ITSN2: variants seen among roughly 807,000 people sequenced by gnomAD.
ITSN2 encodes the protein intersectin 2.
ITSN2 carries 156 observed loss-of-function variants against 243.7 expected under a neutral mutation model. The ratio of observed to expected loss-of-function variants is 0.64; its 90% CI spans 0.56 to 0.73. ITSN2 has a LOEUF of 0.73. Among genes scored for constraint, ITSN2 ranks in the 30% least tolerant of loss-of-function variants. ITSN2 has a pLI of 0.00. For missense variants in ITSN2, 1,801 were observed against 1,996.1 expected (o/e 0.90, Z 1.86); for synonymous variants, 703 against 699.9 (o/e 1.00, Z -0.07).
At chr2:24,247,012 G>A in intron 27 of ITSN2, 119 bp from the exon 28 acceptor site, 2 of 688,198 alleles carry the variant, frequency 2.9e-6, no homozygotes, top group Non-Finnish European at 2.4e-6. Flanking sequence ...TTTGCCTAAA[G>A]AGAGGTCTGG....
intron 31 of ITSN2, among the ~76,000 whole-genome samples, chr2:24,217,048 C>A (rs11125502): frequency 6.1e-5 from 9 of 148,274 alleles, no homozygotes; most frequent in Non-Finnish European, 1.2e-4. Context: ...CGCGCCACTG[C>A]ACTCTAGCCT....
At position 24,313,657 on chromosome 2, in the gene ITSN2, GAA is replaced by G; in HGVS notation, c.125-136_125-135del. ...CAATCATTAAAGAATAAGTGAAATAGAAACACATAAAAATTATTTACATAACT... is the reference window on the plus strand; with the variant it reads ...CAATCATTAAAGAATAAGTGAAATAGACACATAAAAATTATTTACATAACT... On this transcript the variant is annotated intron_variant, in intron 3 of 39. Coordinates refer to ENST00000355123, the MANE Select transcript of ITSN2 (RefSeq NM_006277.3). 4 of 559,818 alleles carry G rather than the reference GAA, an allele frequency of 7.1e-6. No individual in the cohort carries two copies. In the South Asian group the frequency reaches 1.2e-4, roughly 17 times the overall value. 34.7% of individuals were successfully genotyped at this position (559,818 alleles called of 1,614,324 possible). A position where few individuals can be genotyped will look rare whatever the true frequency, so the allele number is the denominator to read the frequency against.
chr2:24,205,102 G>A, intron 38 of ITSN2, 112 bp downstream of exon 38: 7 of 804,222 alleles, frequency 8.7e-6, no homozygotes, highest in East Asian at 2.7e-5. Context: ...AGCCAAGATC[G>A]TGCCACTGCA....
At chr2:24,208,361 T>A (rs758675018) in intron 36 of ITSN2, 42 bp from the exon 37 acceptor site, 2 of 1,489,714 alleles carry the variant, frequency 1.3e-6, no homozygotes, top group Non-Finnish European at 1.9e-6. Flanking sequence ...CATCCCACCC[T>A]CACAGGTCAG....
intron 1 of ITSN2, among the ~76,000 whole-genome samples, chr2:24,355,905 T>A (rs9751331): frequency 0.97 from 148,018 of 152,136 alleles, 72,015 homozygotes; most frequent in East Asian, 0.99. Context: ...TCTCTATTTT[T>A]AAAAAATTAC....
chr2:24,237,416 G>A (rs1157041312), intron 29 of ITSN2, among the ~76,000 whole-genome samples: 3 of 6,556 alleles, frequency 4.6e-4, no homozygotes, highest in Non-Finnish European at 7.8e-4. Context: ...CTTAACTGCT[G>A]ATCTTCTAGG....
intron 1 of ITSN2, among the ~76,000 whole-genome samples, chr2:24,342,828 T>C (rs186436852): frequency 2.3e-4 from 35 of 152,136 alleles, no homozygotes; most frequent in African/African-American, 7.7e-4. Context: ...CAGTGGCTCA[T>C]GCCTGTAATC....
Position 24,254,375 on chromosome 2 carries a change from A to G in ITSN2, c.2945T>C (p.Val982Ala), listed in dbSNP as rs1424974850. The change falls in exon 24 of 40, where the codon GTT (valine) becomes GCT (alanine). Residue 982 changes from valine (V) to alanine (A), a missense_variant. Physicochemically the swap from Val to Ala is moderately conservative, Grantham distance 64 (BLOSUM62 0). This residue lies in a region of ITSN2 where 928 missense variants were observed against 1,065.4 expected (regional missense o/e 0.87). Transcript: ENST00000355123. Reference protein sequence around the residue: ...NKKPTSAAYSVGEEYIALYPY... With the variant: ...NKKPTSAAYSAGEEYIALYPY... Reference sequence around the variant, plus strand: ...AATTGCCAAAAGCTTACCTTCTCCAACTGAATAGGCTGCCGAGGTAGGTTT... The same window carrying G: ...AATTGCCAAAAGCTTACCTTCTCCAGCTGAATAGGCTGCCGAGGTAGGTTT... The G allele has an allele frequency of 6.2e-7, 1 of 1,611,874 alleles. No individual in the cohort carries two copies. Among genetic ancestry groups the G allele is most frequent in the East Asian group, 2.2e-5 (1 of 44,808 alleles).
At chr2:24,273,017 G>A (rs1677562219) in intron 18 of ITSN2, among the ~76,000 whole-genome samples, 1 of 152,224 alleles carries the variant, frequency 6.6e-6, no homozygotes, top group African/African-American at 2.4e-5. Flanking sequence ...TATCAGGGCA[G>A]TGAAGATTAC....
intron 32 of ITSN2, among the ~76,000 whole-genome samples, chr2:24,215,449 C>T (rs1573879719): frequency 6.6e-6 from 1 of 152,042 alleles, no homozygotes; most frequent in Non-Finnish European, 1.5e-5. Context: ...GGCCGATCAC[C>T]TGAGGTCAGG....
At chr2:24,332,019 A>G (rs542680598) in intron 1 of ITSN2, among the ~76,000 whole-genome samples, 3 of 152,254 alleles carry the variant, frequency 2.0e-5, no homozygotes, top group African/African-American at 7.2e-5. Flanking sequence ...CAAGGCAGGC[A>G]GATCACCTGA....
chr2:24,206,250 G>A, intron 37 of ITSN2: 1 of 430,696 alleles, frequency 2.3e-6, no homozygotes, highest in Non-Finnish European at 4.7e-6. Context: ...ATACCTTTTA[G>A]GAGTATATAA....
intron 17 of ITSN2, among the ~76,000 whole-genome samples, chr2:24,283,574 T>G (rs1194849303): frequency 6.6e-6 from 1 of 152,248 alleles, no homozygotes; most frequent in Non-Finnish European, 1.5e-5. Context: ...CATTTTCTAG[T>G]AACTACAGAA....
intron 2 of ITSN2, among the ~76,000 whole-genome samples, chr2:24,318,334 C>CG (rs1226791595): frequency 6.6e-6 from 1 of 152,024 alleles, no homozygotes; most frequent in Non-Finnish European, 1.5e-5. Context: ...TTTGTAGAGA[C>CG]GGGGTCTCAC....
rs374591989 is a variant in ITSN2, at chr2:24,245,881, T to C, written c.3577+248A>G. ...ATAGATGGCAGTCATACCAAAGAAC[T>C]CATAGGAAAAATTATATACTCTCAG... On this transcript the variant is annotated intron_variant, in intron 29 of 39. Coordinates refer to ENST00000355123, the MANE Select transcript of ITSN2 (RefSeq NM_006277.3). Among the ~76,000 whole-genome samples, 5 of 152,120 alleles carry C rather than the reference T, an allele frequency of 3.3e-5. No homozygotes were observed. In the East Asian group the frequency reaches 5.8e-4, roughly 18 times the overall value.
In ITSN2 at chr2:24,216,172, G is replaced by T; in HGVS notation, c.3867C>A (p.Asp1289Glu). 2.5e-6 allele frequency: 4 copies of T among 1,612,178 alleles called. No homozygotes were observed. The highest frequency in any genetic ancestry group is 3.4e-6 in the Non-Finnish European group (4 of 1,179,088). The change falls in exon 32 of 40, where the codon GAC becomes GAA. Residue 1289 changes from aspartate (D) to glutamate (E), a missense_variant. Physicochemically the swap from Asp to Glu is conservative, Grantham distance 45 (BLOSUM62 2). Around this residue, in one of 5 missense-constraint regions of ITSN2, gnomAD observed 928 missense variants for 1,065.4 expected, o/e 0.87. Coordinates refer to ENST00000355123, the MANE Select transcript of ITSN2 (RefSeq NM_006277.3). ...TGTGGGACAGCTCAGCGGCCAGGAT[G>T]TCCCCAATCATCTGCACCGGCATCT... ...GEKMPVQMIG[D>E]ILAAELSHMQ...
chr2:24,205,521 C>T (rs1207735333), intron 37 of ITSN2: 2 of 484,670 alleles, frequency 4.1e-6, no homozygotes, highest in Admixed American at 3.3e-5. Flanking sequence ...CCGTCAGCAT[C>T]CTACTCATCC....
intron 29 of ITSN2, among the ~76,000 whole-genome samples, chr2:24,234,870 C>A (rs1352321082): frequency 6.6e-6 from 1 of 152,198 alleles, no homozygotes; most frequent in African/African-American, 2.4e-5. Flanking sequence ...TGTGGAACAA[C>A]AGGAACTTTC....
intron 13 of ITSN2, among the ~76,000 whole-genome samples, chr2:24,296,570 T>C (rs1042728746): frequency 1.3e-5 from 2 of 152,012 alleles, no homozygotes; most frequent in Non-Finnish European, 2.9e-5. Context: ...AGAGATAAAA[T>C]ACACTCAGAG....
Sources: allele counts gnomAD v4.1 joint callset (sites outside exome capture counted in the v4.1 genomes callset), GRCh38; gene constraint gnomAD v4.1.1; regional missense constraint gnomAD v4.1.1; transcripts MANE v1.5; gene names NCBI Gene and HGNC (gene_info 2026-07-23, HGNC 2026-07-21).